TRPV3: variants seen among roughly 807,000 people sequenced by gnomAD.
TRPV3 encodes VRL-3.
In TRPV3, 88 loss-of-function variants were observed where a neutral mutation model predicts 87.1. The observed-to-expected ratio is 1.01, with a 90% CI of 0.85 to 1.21. The LOEUF (loss-of-function observed/expected upper bound fraction) is 1.21. Ranked by LOEUF, TRPV3 falls within the 50% of genes most tolerant of loss-of-function variation. The probability of loss-of-function intolerance (pLI) is 0.00; values close to 1 mark genes in which losing one functional copy is unlikely to be tolerated. For synonymous variants in TRPV3, 438 were observed against 423.3 expected (o/e 1.03, Z -0.43); for missense variants, 1,054 against 1,030.1 (o/e 1.02, Z -0.32).
intron 2 of TRPV3, 86 bp from the exon 3 acceptor site, chr17:3,545,357 C>T: frequency 9.7e-7 from 1 of 1,035,412 alleles, no homozygotes; most frequent in Non-Finnish European, 1.5e-6. Context: ...CAGAGGGTGC[C>T]CCCATGCTGA....
At chr17:3,524,103 T>G (rs2074271898) in intron 13 of TRPV3, 95 bp downstream of exon 13, 2 of 1,505,768 alleles carry the variant, frequency 1.3e-6, no homozygotes, top group African/African-American at 1.4e-5. Flanking sequence ...GACCTGCCCC[T>G]TGGTAAACCC....
Position 3,533,286 on chromosome 17 carries a change from C to T in TRPV3, c.785-349G>A, listed in dbSNP as rs147480393. On this transcript the variant is annotated intron_variant, in intron 7 of 17. Transcript: ENST00000576742. ...CATCACTCACTCCCTCCTGCTACAA[C>T]GGCCTTTTTCCACCTCCTCCAACAC... 7.7e-4 allele frequency among the ~76,000 whole-genome samples: 117 copies of T among 152,310 alleles called. 1 individual carries two copies. The highest frequency in any genetic ancestry group is 2.5e-3 in the African/African-American group (103 of 41,564).
chr17:3,544,532 C>G (rs772817242), intron 4 of TRPV3, 47 bp downstream of exon 4: 1 of 1,288,690 alleles, frequency 7.8e-7, no homozygotes, highest in South Asian at 1.3e-5. Flanking sequence ...CTCTGGCACC[C>G]CCAGCCTGGG....
chr17:3,540,500 A>T (rs905841890), intron 6 of TRPV3, among the ~76,000 whole-genome samples: 2 of 152,196 alleles, frequency 1.3e-5, no homozygotes, highest in Non-Finnish European at 2.9e-5. Context: ...AGGATCTGTG[A>T]CCGGGACAGC....
chr17:3,525,293 T>C (rs1311813986), intron 12 of TRPV3, among the ~76,000 whole-genome samples: 1 of 152,244 alleles, frequency 6.6e-6, no homozygotes, highest in Non-Finnish European at 1.5e-5. Context: ...GTGCTGGGAT[T>C]ACAGGCGTGA....
In TRPV3 at chr17:3,526,843, G is replaced by T; in HGVS notation, c.1577+11C>A. 1 of 1,607,554 alleles carries T rather than the reference G, an allele frequency of 6.2e-7. No homozygotes were observed. The highest frequency in any genetic ancestry group is 1.1e-5 in the South Asian group (1 of 89,544). On this transcript the variant is annotated intron_variant, in intron 12 of 17. Transcript: ENST00000576742. ...CTGTGAGGCGATAACCAAGGGGCCA[G>T]ACCTACTTACAAGACAAAGTGGAAC... is the stretch of plus-strand genomic sequence containing the variant.
chr17:3,532,187 C>T (rs1463289458), intron 8 of TRPV3, among the ~76,000 whole-genome samples: 1 of 152,240 alleles, frequency 6.6e-6, no homozygotes, highest in Non-Finnish European at 1.5e-5. Flanking sequence ...CCCAAAGCGG[C>T]CACACTCTTG....
chr17:3,529,406 T>C (rs1009395015), intron 9 of TRPV3, among the ~76,000 whole-genome samples: 1 of 152,036 alleles, frequency 6.6e-6, no homozygotes, highest in African/African-American at 2.4e-5. Flanking sequence ...CAGGCTGCTG[T>C]GAGGGTCTGG....
chr17:3,550,093 G>T (rs2074560257), intron 2 of TRPV3, among the ~76,000 whole-genome samples: 1 of 152,194 alleles, frequency 6.6e-6, no homozygotes, highest in South Asian at 2.1e-4. Context: ...AAGTAATTGG[G>T]AGGGTAGGAT....
chr17:3,525,668 G>A (rs966927902), intron 12 of TRPV3, among the ~76,000 whole-genome samples: 4 of 149,986 alleles, frequency 2.7e-5, no homozygotes, highest in African/African-American at 9.8e-5. Flanking sequence ...CGCCCAGGCT[G>A]GAGTACAGTG....
intron 13 of TRPV3, 46 bp downstream of exon 13, chr17:3,524,152 T>C (rs775635171): frequency 1.9e-6 from 3 of 1,599,306 alleles, no homozygotes; most frequent in African/African-American, 2.7e-5. Flanking sequence ...ATCTGAAAAA[T>C]GGCCATCCTC....
Position 3,554,729 on chromosome 17 carries a change from C to T in TRPV3, c.119+3G>A, listed in dbSNP as rs2074610593. The T allele has an allele frequency of 6.2e-7, 1 of 1,603,676 alleles. No homozygotes were observed. The highest frequency in any genetic ancestry group is 1.7e-5 in the Admixed American group (1 of 59,530). ...GTCCGTGTCCCGAGCTCTCCAAACCCACCTCTTCTTTGTGGGGGTGATCTC... is the reference window on the plus strand; with the variant it reads ...GTCCGTGTCCCGAGCTCTCCAAACCTACCTCTTCTTTGTGGGGGTGATCTC... On this transcript the variant is annotated splice_donor_region_variant and intron_variant, in intron 2 of 17. Coordinates refer to ENST00000576742, the MANE Select transcript of TRPV3 (RefSeq NM_145068.4).
chr17:3,542,510 C>T lies in TRPV3; in HGVS notation c.643+12G>A, dbSNP rs2074473372. The T allele has an allele frequency of 6.2e-7, 1 of 1,610,990 alleles. No homozygotes were observed. The highest frequency in any genetic ancestry group is 1.1e-5 in the South Asian group (1 of 90,428). On this transcript the variant is annotated intron_variant, in intron 6 of 17. Coordinates refer to ENST00000576742, the MANE Select transcript of TRPV3 (RefSeq NM_145068.4). ...GACTCCTGTCTGCACAGCCCCTCTG[C>T]AGGCAGGATACCTTCATAGGCCTCC...
At chr17:3,527,392 T>G (rs570515484) in intron 11 of TRPV3, among the ~76,000 whole-genome samples, 2 of 152,230 alleles carry the variant, frequency 1.3e-5, no homozygotes, top group East Asian at 3.9e-4. Context: ...TCACCTCCCT[T>G]CCTCTGAACA....
At chr17:3,553,191 T>G (rs906416789) in intron 2 of TRPV3, 1 of 152,494 alleles carries the variant, frequency 6.6e-6, no homozygotes, top group African/African-American at 2.4e-5. Flanking sequence ...GGCACCTGTC[T>G]GTGCTGCCCC....
chr17:3,551,816 AG>A (rs2074577197), intron 2 of TRPV3, among the ~76,000 whole-genome samples: 1 of 134,706 alleles, frequency 7.4e-6, no homozygotes. Context: ...TTCCACCATT[AG>A]GCCTGTTTCC....
intron 6 of TRPV3, among the ~76,000 whole-genome samples, chr17:3,541,900 ATTATC>A (rs2074465358): frequency 6.6e-6 from 1 of 151,990 alleles, no homozygotes; most frequent in Non-Finnish European, 1.5e-5. Flanking sequence ...TAAATCTAAA[ATTATC>A]TTATTTAGAG....
At chr17:3,519,696 G>A (rs2074222811) in intron 14 of TRPV3, among the ~76,000 whole-genome samples, 1 of 123,494 alleles carries the variant, frequency 8.1e-6, no homozygotes, top group Non-Finnish European at 1.8e-5. Context: ...ATGATTGGAT[G>A]GATGGATAGA....
rs987461447 is a variant in TRPV3 at position 3,528,252 on chromosome 17, C to T, written c.1402-126G>A. ...GCCAGAGACCAGCATGAAACCTGAT[C>T]TCTGTACAGGGCAAGAGAAGGAAGA... On this transcript the variant is annotated intron_variant, in intron 10 of 17. Transcript: ENST00000576742. This position sits in a 1 kb window ranked among gnomAD's most constrained non-coding sequence, Gnocchi z 4.2. 9.0e-6 allele frequency: 6 copies of T among 667,206 alleles called. No individual in the cohort carries two copies. In the African/African-American group the frequency reaches 9.1e-5, roughly 10 times the overall value. The allele number at this position is 667,206 out of a possible 1,614,324, so 41.3% of individuals were successfully genotyped here.
Sources: gnomAD v4.1 joint callset for allele counts (sites outside exome capture counted in the v4.1 genomes callset) on GRCh38, gnomAD v4.1.1 for gene constraint, Gnocchi (gnomAD v3.1) non-coding constraint, MANE v1.5 for transcripts, NCBI Gene and HGNC (gene_info 2026-07-23, HGNC 2026-07-21) for gene names.